Variants in STPG2 observed in about 807,000 individuals in gnomAD.
STPG2 encodes sperm tail PG-rich repeat containing 2.
STPG2 carries 56 observed loss-of-function variants against 54.2 expected under a neutral mutation model. The observed-to-expected ratio is 1.03, with a 90% CI of 0.83 to 1.29. The LOEUF (loss-of-function observed/expected upper bound fraction) is 1.29. STPG2 is among the 50% of genes most tolerant of loss of function. The pLI, the probability that STPG2 is intolerant of heterozygous loss-of-function variation, is 0.00. For synonymous variants in STPG2, 200 were observed against 181.8 expected, an observed-to-expected ratio of 1.10 and a Z score of -0.81; for missense variants, 596 against 544.9, an observed-to-expected ratio of 1.09 and a Z score of -0.93.
intron 10 of STPG2, among the ~76,000 whole-genome samples, chr4:97,663,330 C>A (rs943841895): frequency 6.6e-6 from 1 of 151,850 alleles, no homozygotes; most frequent in Non-Finnish European, 1.5e-5. Context: ...AGGAATTTTT[C>A]AAAAGTAAAA....
intron 9 of STPG2, among the ~76,000 whole-genome samples, chr4:97,786,405 C>T (rs1256306855): frequency 2.0e-5 from 3 of 152,048 alleles, no homozygotes; most frequent in East Asian, 1.9e-4. Flanking sequence ...AAAGAGTCGA[C>T]ATTTTTGATG....
At chr4:97,573,769 G>A (rs1269871648) in intron 10 of STPG2, among the ~76,000 whole-genome samples, 1 of 151,974 alleles carries the variant, frequency 6.6e-6, no homozygotes, top group Non-Finnish European at 1.5e-5. Context: ...AAATTATAAA[G>A]CATTATGAGC....
chr4:98,089,504 T>C (rs1237828610), intron 5 of STPG2, among the ~76,000 whole-genome samples: 1 of 152,086 alleles, frequency 6.6e-6, no homozygotes, highest in Non-Finnish European at 1.5e-5. Flanking sequence ...ACTGTGCTAC[T>C]AAAAACATGC....
At chr4:97,478,088 A>T (rs1235417718) in intron 4 of STPG2, among the ~76,000 whole-genome samples, 10 of 152,214 alleles carry the variant, frequency 6.6e-5, no homozygotes, top group Non-Finnish European at 5.9e-5. Flanking sequence ...AAACAGATTC[A>T]AATGAGGTTG....
intron 10 of STPG2, among the ~76,000 whole-genome samples, chr4:97,672,373 T>TC (rs1722727368): frequency 6.6e-6 from 1 of 151,778 alleles, no homozygotes; most frequent in African/African-American, 2.4e-5. Context: ...AGACAGGGTT[T>TC]CTCCAAGTTA....
At chr4:97,758,145 AT>A (rs1725785322) in intron 9 of STPG2, among the ~76,000 whole-genome samples, 1 of 152,306 alleles carries the variant, frequency 6.6e-6, no homozygotes, top group Admixed American at 6.5e-5. Flanking sequence ...AGGAAAAATA[AT>A]TTTTGTTTAT....
chr4:97,643,268 T>G (rs184975406), intron 10 of STPG2, among the ~76,000 whole-genome samples: 3 of 151,696 alleles, frequency 2.0e-5, no homozygotes, highest in African/African-American at 7.2e-5. Flanking sequence ...TTATCTCCAT[T>G]TTCTAACAGG....
At chr4:97,807,961 T>A (rs1260208660) in intron 9 of STPG2, among the ~76,000 whole-genome samples, 1 of 152,030 alleles carries the variant, frequency 6.6e-6, no homozygotes, top group African/African-American at 2.4e-5. Flanking sequence ...TAGATGTTTT[T>A]GAATTCTCCA....
intron 5 of STPG2, among the ~76,000 whole-genome samples, chr4:98,065,200 T>A (rs7698541): frequency 0.39 from 60,004 of 152,062 alleles, 12,081 homozygotes; most frequent in Middle Eastern, 0.46. Context: ...TATTTAATAT[T>A]ATCTATGCTA....
At chr4:97,600,025 G>A (rs1733416875) in intron 10 of STPG2, among the ~76,000 whole-genome samples, 1 of 152,006 alleles carries the variant, frequency 6.6e-6, no homozygotes, top group Non-Finnish European at 1.5e-5. Context: ...CTTATAAATG[G>A]AAGCTAAACA....
chr4:97,797,307 T>C (rs1268089705), intron 9 of STPG2, among the ~76,000 whole-genome samples: 1 of 152,236 alleles, frequency 6.6e-6, no homozygotes, highest in African/African-American at 2.4e-5. Context: ...CCATTCAGTA[T>C]GATATTGGCT....
At chr4:98,057,877 C>T (rs1419820099) in intron 5 of STPG2, among the ~76,000 whole-genome samples, 2 of 152,150 alleles carry the variant, frequency 1.3e-5, no homozygotes, top group Non-Finnish European at 2.9e-5. Context: ...CTCTAAAATC[C>T]ATAAGAGATC....
chr4:98,079,801 TA>T (rs1560669708), intron 5 of STPG2, among the ~76,000 whole-genome samples: 1 of 152,172 alleles, frequency 6.6e-6, no homozygotes, highest in African/African-American at 2.4e-5. Flanking sequence ...TGTAATTTTA[TA>T]ATCAATATCA....
chr4:97,671,230 A>G (rs1560711790), intron 10 of STPG2, among the ~76,000 whole-genome samples: 1 of 152,238 alleles, frequency 6.6e-6, no homozygotes, highest in African/African-American at 2.4e-5. Flanking sequence ...ATATTTTTGT[A>G]ACATCTCACA....
intron 5 of STPG2, among the ~76,000 whole-genome samples, chr4:98,001,303 T>G (rs1194475950): frequency 2.0e-5 from 3 of 151,800 alleles, no homozygotes; most frequent in Non-Finnish European, 4.4e-5. Flanking sequence ...AGGTTTCCTG[T>G]AATTACTATA....
At chr4:97,511,845 A>C (rs1262836703) in intron 4 of STPG2, among the ~76,000 whole-genome samples, 1 of 152,066 alleles carries the variant, frequency 6.6e-6, no homozygotes, top group Non-Finnish European at 1.5e-5. Flanking sequence ...TTTTGCAAGA[A>C]AAAAAGGAAG....
intron 10 of STPG2, among the ~76,000 whole-genome samples, chr4:97,617,060 T>G (rs1388959201): frequency 1.3e-5 from 2 of 152,206 alleles, no homozygotes; most frequent in East Asian, 3.9e-4. Flanking sequence ...TATATTTGTT[T>G]CTCTTGTAGC....
chr4:97,584,518 G>T (rs1307787677), intron 10 of STPG2, among the ~76,000 whole-genome samples: 2 of 151,708 alleles, frequency 1.3e-5, no homozygotes, highest in African/African-American at 2.4e-5. Flanking sequence ...CAAAAGAAAA[G>T]AAATAACAAA....
At chr4:97,901,531 T>C (rs1731177200) in intron 8 of STPG2, among the ~76,000 whole-genome samples, 1 of 152,008 alleles carries the variant, frequency 6.6e-6, no homozygotes, top group Non-Finnish European at 1.5e-5. Context: ...ATGCTTGCAC[T>C]AACAACAAAC....
Sources: allele counts gnomAD v4.1 joint callset (sites outside exome capture counted in the v4.1 genomes callset), GRCh38; gene constraint gnomAD v4.1.1; transcripts MANE v1.5; gene names NCBI Gene and HGNC (gene_info 2026-07-23, HGNC 2026-07-21).